RAB6B: variants seen among roughly 807,000 people sequenced by gnomAD.
RAB6B encodes RAB6B, member RAS oncogene family, also known as ras-related protein Rab-6B.
RAB6B carries 7 observed loss-of-function variants against 31.2 expected under a neutral mutation model. The ratio of observed to expected loss-of-function variants is 0.22; its 90% confidence interval spans 0.13 to 0.42. The LOEUF (loss-of-function observed/expected upper bound fraction) is 0.42, where lower values mean the gene tolerates loss of function less well. Among genes scored for constraint, RAB6B ranks in the 10% least tolerant of loss-of-function variants. The pLI is 1.00. For synonymous variants in RAB6B, 105 were observed against 104.9 expected, an observed-to-expected ratio of 1.00 and a Z score of -0.01; for missense variants, 149 against 280.6, an observed-to-expected ratio of 0.53 and a Z score of 3.35.
At chr3:133,841,187 TGC>T in intron 4 of RAB6B, 96 bp downstream of exon 4, 1 of 1,083,692 alleles carries the variant, frequency 9.2e-7, no homozygotes, top group Non-Finnish European at 1.4e-6. Flanking sequence ...TGCACACACA[TGC>T]GTGTGCACAC....
intron 1 of RAB6B, among the ~76,000 whole-genome samples, chr3:133,869,591 C>A (rs1054751470): frequency 1.3e-5 from 2 of 152,246 alleles, no homozygotes; most frequent in Admixed American, 1.3e-4. Flanking sequence ...GCTCTTCTTA[C>A]AATCTAACCC....
Position 133,824,894 on chromosome 3 carries a change from T to G in RAB6B, c.*3894A>C, listed in dbSNP as rs1263071109. The G allele has an allele frequency of 6.6e-6, 1 of 152,110 alleles. No homozygotes were observed. Among genetic ancestry groups the G allele is most frequent in the African/African-American group, 2.4e-5 (1 of 41,402 alleles). The allele number at this position is 152,110 out of a possible 1,614,324, so 9.4% of individuals were successfully genotyped here. On this transcript the variant is annotated 3_prime_UTR_variant, in exon 8 of 8. Coordinates refer to ENST00000285208, the MANE Select transcript of RAB6B (RefSeq NM_016577.4). ...GCAGCAATGGATGAAAAATGGAAAC[T>G]TCACTGGTTCTGATCACTCCTAACT...
intron 7 of RAB6B, among the ~76,000 whole-genome samples, chr3:133,832,282 T>C (rs1269439074): frequency 6.6e-6 from 1 of 152,030 alleles, no homozygotes; most frequent in Non-Finnish European, 1.5e-5. Flanking sequence ...GGCTCCTACT[T>C]TGTTGAGAGC....
rs1423134775 is a variant in RAB6B at position 133,827,749 on chromosome 3, C to T, written c.*1039G>A. On this transcript the variant is annotated 3_prime_UTR_variant, in exon 8 of 8. Coordinates refer to ENST00000285208, the MANE Select transcript of RAB6B (RefSeq NM_016577.4). ...AGGTGGTGGTTCTGCAGACAACACC[C>T]CCCCCCCCCCCCGCCTCCCCATCAC... 5 of 20,676 alleles carry T rather than the reference C, an allele frequency of 2.4e-4. No homozygotes were observed. Among genetic ancestry groups the T allele is most frequent in the Non-Finnish European group, 4.8e-4 (4 of 8,254 alleles). The allele number at this position is 20,676 out of a possible 1,614,324, so 1.3% of individuals were successfully genotyped here.
chr3:133,887,698 C>T (rs1244287963), intron 1 of RAB6B, among the ~76,000 whole-genome samples: 2 of 152,120 alleles, frequency 1.3e-5, no homozygotes, highest in South Asian at 2.1e-4. Flanking sequence ...AGTGACAGAC[C>T]GGGAATAGAA....
Position 133,834,632 on chromosome 3 carries a change from G to A in RAB6B, c.505C>T (p.Arg169Cys), listed in dbSNP as rs767167270. 4 of 1,614,038 alleles carry A rather than the reference G, an allele frequency of 2.5e-6. No individual in the cohort carries two copies. Among genetic ancestry groups the A allele is most frequent in the Admixed American group, 1.7e-5 (1 of 60,022 alleles). Reference protein sequence around the residue: ...TGYNVKQLFRRVASALPGMEN... With the variant: ...TGYNVKQLFRCVASALPGMEN... ...ATTCCGGGTAGAGCCGACGCCACAC[G>A]TCGAAAAAGCTGGAAAGATGAAGAA... Residue 169 changes from arginine (R) to cysteine (C), a missense_variant, in exon 7 of 8, where the codon CGT becomes TGT. By Grantham distance (180) the Arg-to-Cys change is radical. Transcript: ENST00000285208.
At chr3:133,839,221 C>G (rs577543678) in intron 5 of RAB6B, among the ~76,000 whole-genome samples, 1 of 152,370 alleles carries the variant, frequency 6.6e-6, no homozygotes, top group South Asian at 2.1e-4. Flanking sequence ...GGGCCTTAGA[C>G]CATGCACTGC....
chr3:133,834,957 G>A (rs1935711490), intron 6 of RAB6B, among the ~76,000 whole-genome samples: 1 of 152,218 alleles, frequency 6.6e-6, no homozygotes, highest in African/African-American at 2.4e-5. Flanking sequence ...GACTTCCTCT[G>A]GTGCAGAAAA....
chr3:133,887,541 C>T (rs957178879), intron 1 of RAB6B, among the ~76,000 whole-genome samples: 2 of 152,332 alleles, frequency 1.3e-5, no homozygotes, highest in Non-Finnish European at 2.9e-5. Flanking sequence ...GTGTTATTGG[C>T]TTGGCCTCAT....
At chr3:133,863,543 G>A (rs1936192839) in intron 2 of RAB6B, among the ~76,000 whole-genome samples, 1 of 152,060 alleles carries the variant, frequency 6.6e-6, no homozygotes, top group Non-Finnish European at 1.5e-5. Flanking sequence ...ACATCTGAGA[G>A]ATCCTACACA....
intron 1 of RAB6B, among the ~76,000 whole-genome samples, chr3:133,876,418 A>G (rs928699001): frequency 6.6e-6 from 1 of 152,108 alleles, no homozygotes; most frequent in Non-Finnish European, 1.5e-5. Context: ...TAATACATTC[A>G]CTGCTTGCTC....
At chr3:133,834,472 G>A in intron 7 of RAB6B, 103 bp downstream of exon 7, 2 of 1,289,782 alleles carry the variant, frequency 1.6e-6, no homozygotes, top group Non-Finnish European at 2.2e-6. Flanking sequence ...ACCAGGGAAG[G>A]CTGGGCGGGG....
At chr3:133,880,767 G>A (rs1246924357) in intron 1 of RAB6B, among the ~76,000 whole-genome samples, 3 of 150,048 alleles carry the variant, frequency 2.0e-5, no homozygotes, top group Non-Finnish European at 4.5e-5. Flanking sequence ...GCAGAGCCAG[G>A]TGGTGAGGGG....
At chr3:133,839,462 G>C (rs562339460) in intron 5 of RAB6B, 44 bp downstream of exon 5, 3 of 1,485,388 alleles carry the variant, frequency 2.0e-6, no homozygotes, top group Admixed American at 3.3e-5. Context: ...CAGTTACAGA[G>C]GAGTGGAGGG....
intron 2 of RAB6B, among the ~76,000 whole-genome samples, chr3:133,842,603 TG>T (rs1165013585): frequency 6.6e-6 from 1 of 152,172 alleles, no homozygotes; most frequent in Non-Finnish European, 1.5e-5. Flanking sequence ...TTTAAGGATT[TG>T]GGGAAACGGT....
chr3:133,855,846 A>G (rs1936067832), intron 2 of RAB6B, among the ~76,000 whole-genome samples: 1 of 152,190 alleles, frequency 6.6e-6, no homozygotes, highest in South Asian at 2.1e-4. Context: ...TTGCTTGACT[A>G]CTTTAGACTG....
chr3:133,883,804 A>C (rs1936501486), intron 1 of RAB6B, among the ~76,000 whole-genome samples: 1 of 152,194 alleles, frequency 6.6e-6, no homozygotes, highest in Admixed American at 6.5e-5. Flanking sequence ...GGTTTTCCTT[A>C]TCTCTAGGGA....
At chr3:133,867,818 T>C (rs1247816739) in intron 1 of RAB6B, among the ~76,000 whole-genome samples, 1 of 152,140 alleles carries the variant, frequency 6.6e-6, no homozygotes, top group African/African-American at 2.4e-5. Context: ...AGGCTTGAAA[T>C]GGATGAGGGA....
At chr3:133,846,326 A>G (rs1424061209) in intron 2 of RAB6B, among the ~76,000 whole-genome samples, 1 of 152,214 alleles carries the variant, frequency 6.6e-6, no homozygotes, top group Non-Finnish European at 1.5e-5. Flanking sequence ...GGACGCCTGT[A>G]ATCCCAGTTA....
Sources: allele counts gnomAD v4.1 joint callset (sites outside exome capture counted in the v4.1 genomes callset), GRCh38; gene constraint gnomAD v4.1.1; transcripts MANE v1.5; gene names NCBI Gene and HGNC (gene_info 2026-07-23, HGNC 2026-07-21).